CCDC148: variants seen among roughly 807,000 people sequenced by gnomAD.
CCDC148 encodes coiled-coil domain containing 148.
In CCDC148, 89 loss-of-function variants were observed where a neutral mutation model predicts 85.7. That is an observed-to-expected ratio of 1.04 (90% CI 0.87 to 1.24). The LOEUF is 1.24. Among genes scored for constraint, CCDC148 ranks in the 50% most tolerant of loss-of-function variants. The pLI, the probability that CCDC148 is intolerant of heterozygous loss-of-function variation, is 0.00. For missense variants in CCDC148, 692 were observed against 671.7 expected, an observed-to-expected ratio of 1.03 and a Z score of -0.33; for synonymous variants, 230 against 213.9, an observed-to-expected ratio of 1.08 and a Z score of -0.66.
At chr2:158,269,307 T>A (rs180737861) in intron 9 of CCDC148, among the ~76,000 whole-genome samples, 302 of 152,234 alleles carry the variant, frequency 2.0e-3, no homozygotes, top group African/African-American at 6.8e-3. Context: ...ATTTCCCTCA[T>A]GTTTGAGCAC....
intron 8 of CCDC148, among the ~76,000 whole-genome samples, chr2:158,311,255 A>T (rs988443355): frequency 6.6e-6 from 1 of 152,214 alleles, no homozygotes; most frequent in African/African-American, 2.4e-5. Flanking sequence ...AGATCACTCG[A>T]GGTCAGGAGC....
At chr2:158,447,702 G>T (rs1361290962) in intron 1 of CCDC148, among the ~76,000 whole-genome samples, 3 of 151,730 alleles carry the variant, frequency 2.0e-5, no homozygotes, top group Non-Finnish European at 4.4e-5. Flanking sequence ...ATACCTTTTT[G>T]GTGAAATCTC....
chr2:158,437,168 C>G (rs978349602), intron 1 of CCDC148, among the ~76,000 whole-genome samples: 2 of 152,068 alleles, frequency 1.3e-5, no homozygotes, highest in African/African-American at 2.4e-5. Flanking sequence ...GGCAGAGACA[C>G]AACCAAAAAA....
chr2:158,453,665 G>T (rs1688493667), intron 1 of CCDC148, among the ~76,000 whole-genome samples: 1 of 152,116 alleles, frequency 6.6e-6, no homozygotes, highest in African/African-American at 2.4e-5. Flanking sequence ...TGCTGCCTCT[G>T]CTATGCTTCT....
Position 158,281,796 on chromosome 2 carries a change from A to G in CCDC148, c.1110+27637T>C, listed in dbSNP as rs182035815. On this transcript the variant is annotated intron_variant, in intron 9 of 13. Coordinates refer to ENST00000283233, the MANE Select transcript of CCDC148 (RefSeq NM_138803.4). ...ATTTTATGAGGCCAGCATCATCCTG[A>G]TACCAAAGCCGGGCAGAGACACAAC... Among the ~76,000 whole-genome samples, 492 of 152,302 alleles carry G rather than the reference A, an allele frequency of 3.2e-3. 3 individuals carry two copies. Among genetic ancestry groups the G allele is most frequent in the African/African-American group, 0.012 (478 of 41,552 alleles).
At chr2:158,192,881 T>C (rs1023113838) in intron 11 of CCDC148, among the ~76,000 whole-genome samples, 2 of 152,058 alleles carry the variant, frequency 1.3e-5, no homozygotes, top group Non-Finnish European at 2.9e-5. Flanking sequence ...AAAAGGCTAT[T>C]TTATTTTCTC....
At chr2:158,219,839 T>C (rs1237250460) in intron 11 of CCDC148, among the ~76,000 whole-genome samples, 1 of 152,358 alleles carries the variant, frequency 6.6e-6, no homozygotes, top group South Asian at 2.1e-4. Flanking sequence ...AGAGGGCTCC[T>C]CAGTTCCAAA....
intron 8 of CCDC148, among the ~76,000 whole-genome samples, chr2:158,313,394 C>T (rs1035655978): frequency 6.6e-6 from 1 of 152,188 alleles, no homozygotes; most frequent in African/African-American, 2.4e-5. Context: ...GTGGAGCAGG[C>T]ATTTCACTTT....
chr2:158,276,816 C>T (rs979503705), intron 9 of CCDC148, among the ~76,000 whole-genome samples: 2 of 152,186 alleles, frequency 1.3e-5, no homozygotes, highest in East Asian at 1.9e-4. Context: ...CCACTTAGGT[C>T]AGACTAAGCC....
intron 1 of CCDC148, among the ~76,000 whole-genome samples, chr2:158,406,352 T>C (rs1685995636): frequency 6.6e-6 from 1 of 152,076 alleles, no homozygotes; most frequent in South Asian, 2.1e-4. Flanking sequence ...TGGGCACTGA[T>C]ATCCCAACTA....
chr2:158,413,836 G>A (rs1252023183), intron 1 of CCDC148, among the ~76,000 whole-genome samples: 1 of 152,088 alleles, frequency 6.6e-6, no homozygotes, highest in African/African-American at 2.4e-5. Flanking sequence ...TGTTACCACT[G>A]GACTAAATAA....
At chr2:158,391,359 C>T (rs1288383503) in intron 1 of CCDC148, among the ~76,000 whole-genome samples, 1 of 152,166 alleles carries the variant, frequency 6.6e-6, no homozygotes, top group Non-Finnish European at 1.5e-5. Context: ...CTAAACCATA[C>T]AAGCTAAGCT....
intron 1 of CCDC148, chr2:158,419,889 C>A (rs1686688802): frequency 1.3e-5 from 2 of 152,054 alleles, no homozygotes; most frequent in Admixed American, 1.3e-4. Flanking sequence ...ATTTTCCCAC[C>A]CCTAGAAAGG....
At chr2:158,422,161 A>G (rs1413654664) in intron 1 of CCDC148, among the ~76,000 whole-genome samples, 4 of 152,230 alleles carry the variant, frequency 2.6e-5, no homozygotes, top group Non-Finnish European at 5.9e-5. Context: ...GCAGAGGTAG[A>G]AGGAGGAGCT....
At chr2:158,282,292 A>G (rs1690360732) in intron 9 of CCDC148, among the ~76,000 whole-genome samples, 1 of 152,200 alleles carries the variant, frequency 6.6e-6, no homozygotes, top group Non-Finnish European at 1.5e-5. Context: ...ATCAGGCAGA[A>G]GAAGGAAATA....
chr2:158,294,458 T>A (rs971450424), intron 9 of CCDC148, among the ~76,000 whole-genome samples: 3 of 152,102 alleles, frequency 2.0e-5, no homozygotes, highest in African/African-American at 7.2e-5. Context: ...GTAGGATTGC[T>A]GGGTCATGTG....
At chr2:158,408,265 G>A (rs1258189897) in intron 1 of CCDC148, among the ~76,000 whole-genome samples, 2 of 151,554 alleles carry the variant, frequency 1.3e-5, no homozygotes, top group Non-Finnish European at 2.9e-5. Context: ...TACCCTTTTA[G>A]CAAATTTCAA....
At chr2:158,191,106 T>C (rs1685404019) in intron 11 of CCDC148, among the ~76,000 whole-genome samples, 1 of 152,184 alleles carries the variant, frequency 6.6e-6, no homozygotes, top group Admixed American at 6.6e-5. Flanking sequence ...TGTATGATTA[T>C]GATGATGGAA....
chr2:158,235,199 C>G (rs1385899526), intron 10 of CCDC148, among the ~76,000 whole-genome samples: 2 of 152,040 alleles, frequency 1.3e-5, no homozygotes, highest in Non-Finnish European at 2.9e-5. Flanking sequence ...ATATTATGGC[C>G]AGTTTTTATA....
Sources: allele counts gnomAD v4.1 joint callset (sites outside exome capture counted in the v4.1 genomes callset), GRCh38; gene constraint gnomAD v4.1.1; transcripts MANE v1.5; gene names NCBI Gene and HGNC (gene_info 2026-07-23, HGNC 2026-07-21).